CHST8: variants seen among roughly 807,000 people sequenced by gnomAD.
The protein encoded by CHST8 is carbohydrate sulfotransferase 8.
A neutral mutation model predicts 15.0 loss-of-function variants in CHST8; 10 were observed. The ratio of observed to expected loss-of-function variants is 0.67; its 90% CI spans 0.41 to 1.13. The LOEUF (loss-of-function observed/expected upper bound fraction) is 1.13. CHST8 is among the 50% of genes most tolerant of loss of function. CHST8 has a pLI of 0.00. For missense variants in CHST8, 634 were observed against 608.2 expected (o/e 1.04, Z -0.45); for synonymous variants, 259 against 256.6 (o/e 1.01, Z -0.09).
intron 3 of CHST8, among the ~76,000 whole-genome samples, chr19:33,718,147 A>T (rs1973698660): frequency 6.6e-6 from 1 of 151,954 alleles, no homozygotes; most frequent in Admixed American, 6.5e-5. Context: ...TTTCCTCAGC[A>T]GGTACATCTT....
chr19:33,711,485 G>C (rs1224634305), intron 3 of CHST8, among the ~76,000 whole-genome samples: 1 of 152,108 alleles, frequency 6.6e-6, no homozygotes, highest in East Asian at 1.9e-4. Context: ...TCAGAAGTGG[G>C]TTTATTTGAT....
chr19:33,683,514 C>G (rs2093428131), intron 2 of CHST8, among the ~76,000 whole-genome samples: 1 of 152,190 alleles, frequency 6.6e-6, no homozygotes. Flanking sequence ...TGCCTCCTGT[C>G]ATAGGATTGG....
chr19:33,696,821 G>A (rs1430340333), intron 3 of CHST8, among the ~76,000 whole-genome samples: 1 of 151,362 alleles, frequency 6.6e-6, no homozygotes, highest in African/African-American at 2.4e-5. Context: ...CCACATCCAT[G>A]CCAACATTAT....
intron 1 of CHST8, among the ~76,000 whole-genome samples, chr19:33,651,340 G>C (rs1972445550): frequency 6.6e-6 from 1 of 151,256 alleles, no homozygotes; most frequent in African/African-American, 2.4e-5. Context: ...CATTAATCAT[G>C]ATTGTATCTA....
intron 3 of CHST8, among the ~76,000 whole-genome samples, chr19:33,763,659 G>C (rs978585434): frequency 1.9e-4 from 29 of 152,250 alleles, no homozygotes; most frequent in African/African-American, 7.0e-4. Context: ...CTTGGGTGAG[G>C]CTTTTTTCCG....
At position 33,657,167 on chromosome 19, in the gene CHST8, ATACTT is replaced by A. The variant is rs1972520050; in HGVS notation, c.-163-10599_-163-10595del. On this transcript the variant is annotated intron_variant, in intron 1 of 4. Coordinates refer to ENST00000650847, the MANE Select transcript of CHST8 (RefSeq NM_001127895.2). ...CACACACACACACACAAACACACAT[ATACTT>A]ATACACACATACACATACACACATA... Among the ~76,000 whole-genome samples, 5 of 151,514 alleles carry A rather than the reference ATACTT, an allele frequency of 3.3e-5. No individual in the cohort carries two copies. The South Asian group carries it at 1.0e-3, about 32-fold the overall frequency.
intron 3 of CHST8, among the ~76,000 whole-genome samples, chr19:33,755,228 G>A (rs71351741): frequency 0.085 from 12,861 of 151,770 alleles, 637 homozygotes; most frequent in Admixed American, 0.11. Flanking sequence ...AGCTCCCACC[G>A]CCTGACACAC....
At chr19:33,711,119 G>T (rs1973541179) in intron 3 of CHST8, among the ~76,000 whole-genome samples, 1 of 152,140 alleles carries the variant, frequency 6.6e-6, no homozygotes, top group Non-Finnish European at 1.5e-5. Context: ...CAATCTTCCT[G>T]CCTTGGCCTT....
intron 3 of CHST8, among the ~76,000 whole-genome samples, chr19:33,710,147 T>C (rs892735057): frequency 2.0e-5 from 3 of 152,240 alleles, no homozygotes; most frequent in Non-Finnish European, 2.9e-5. Context: ...AGCATAACAG[T>C]GTTCATAGTA....
chr19:33,708,217 T>C (rs570300578), intron 3 of CHST8, among the ~76,000 whole-genome samples: 1 of 152,218 alleles, frequency 6.6e-6, no homozygotes, highest in Admixed American at 6.5e-5. Flanking sequence ...TCTTCTGGAG[T>C]GGAAAAGTTT....
intron 1 of CHST8, among the ~76,000 whole-genome samples, chr19:33,624,161 C>T (rs539139417): frequency 1.5e-4 from 23 of 152,208 alleles, no homozygotes; most frequent in Admixed American, 3.9e-4. Context: ...TTAAAAAGAC[C>T]CCAAATTAAA....
At chr19:33,659,156 C>T (rs181272812) in intron 1 of CHST8, among the ~76,000 whole-genome samples, 1 of 149,218 alleles carries the variant, frequency 6.7e-6, no homozygotes, top group East Asian at 2.0e-4. Flanking sequence ...GCCTCCGCCT[C>T]CCGGGTTCAA....
intron 1 of CHST8, among the ~76,000 whole-genome samples, chr19:33,635,688 A>AGTTCCC (rs1172153788): frequency 6.6e-6 from 1 of 152,186 alleles, no homozygotes; most frequent in African/African-American, 2.4e-5. Flanking sequence ...ATGCGGGCTT[A>AGTTCCC]GTTCCCCGGA....
intron 1 of CHST8, among the ~76,000 whole-genome samples, chr19:33,645,500 A>G (rs541594515): frequency 2.3e-4 from 35 of 152,310 alleles, no homozygotes; most frequent in African/African-American, 7.9e-4. Flanking sequence ...GGCAGAGCCA[A>G]CAAGATTTCC....
intron 3 of CHST8, among the ~76,000 whole-genome samples, chr19:33,727,075 A>T (rs976562252): frequency 6.6e-6 from 1 of 151,604 alleles, no homozygotes; most frequent in African/African-American, 2.4e-5. Context: ...TGTGCCAAAG[A>T]TGCACTTCAT....
intron 1 of CHST8, among the ~76,000 whole-genome samples, chr19:33,649,253 C>T (rs575156616): frequency 6.6e-6 from 1 of 152,168 alleles, no homozygotes; most frequent in East Asian, 1.9e-4. Flanking sequence ...GCTAGTATTT[C>T]ACTGTGGTTT....
At chr19:33,767,896 T>C (rs1974883679) in intron 3 of CHST8, among the ~76,000 whole-genome samples, 1 of 152,144 alleles carries the variant, frequency 6.6e-6, no homozygotes, top group Admixed American at 6.5e-5. Flanking sequence ...GTACGTTTTA[T>C]TTGGGGGCTT....
At chr19:33,768,737 G>A (rs141364120) in intron 3 of CHST8, among the ~76,000 whole-genome samples, 29 of 152,312 alleles carry the variant, frequency 1.9e-4, no homozygotes, top group African/African-American at 6.3e-4. Context: ...ACAGGCATGA[G>A]CCACCGTGCC....
At chr19:33,704,423 A>G (rs747825711) in intron 3 of CHST8, among the ~76,000 whole-genome samples, 2 of 152,158 alleles carry the variant, frequency 1.3e-5, no homozygotes, top group African/African-American at 2.4e-5. Context: ...TCCATCAGAC[A>G]GTAGGCCTGA....
Sources: gnomAD v4.1 joint callset for allele counts (sites outside exome capture counted in the v4.1 genomes callset) on GRCh38, gnomAD v4.1.1 for gene constraint, MANE v1.5 for transcripts, NCBI Gene and HGNC (gene_info 2026-07-23, HGNC 2026-07-21) for gene names.